The following TMEM51 variants were observed in gnomAD, a reference collection of about 807,000 sequenced individuals.
TMEM51 encodes the protein chromosome 1 open reading frame 72.
A neutral mutation model predicts 13.6 loss-of-function variants in TMEM51; 8 were observed. The ratio of observed to expected loss-of-function variants is 0.59; its 90% CI spans 0.35 to 1.07. The LOEUF (loss-of-function observed/expected upper bound fraction) is 1.07. Ranked by LOEUF, TMEM51 falls within the 50% of genes least tolerant of loss-of-function variation. The pLI, the probability that TMEM51 is intolerant of heterozygous loss-of-function variation, is 0.02. For missense variants in TMEM51, 279 were observed against 330.7 expected, an observed-to-expected ratio of 0.84 and a Z score of 1.21; for synonymous variants, 147 against 144.4, an observed-to-expected ratio of 1.02 and a Z score of -0.13.
chr1:15,171,118 T>TCCCC, intron 1 of TMEM51: 1 of 547,038 alleles, frequency 1.8e-6, no homozygotes, highest in Non-Finnish European at 2.9e-6. Flanking sequence ...CCCCGCCACA[T>TCCCC]CCCCCACCCC....
chr1:15,173,713 A>G (rs1473988714), intron 1 of TMEM51, among the ~76,000 whole-genome samples: 1 of 151,706 alleles, frequency 6.6e-6, no homozygotes. Flanking sequence ...CATCTGTCAA[A>G]GAAGAGCCTT....
intron 1 of TMEM51, among the ~76,000 whole-genome samples, chr1:15,208,969 T>C (rs1385611210): frequency 6.6e-6 from 1 of 152,150 alleles, no homozygotes; most frequent in Non-Finnish European, 1.5e-5. Flanking sequence ...TGAATTGTAA[T>C]GAATAGTATA....
chr1:15,189,184 C>T (rs946215822), intron 1 of TMEM51, among the ~76,000 whole-genome samples: 2 of 150,666 alleles, frequency 1.3e-5, no homozygotes, highest in Admixed American at 6.6e-5. Context: ...GGATTACACG[C>T]ACCCTTCACC....
intron 2 of TMEM51, among the ~76,000 whole-genome samples, chr1:15,213,678 G>A (rs1557858837): frequency 6.6e-6 from 1 of 152,184 alleles, no homozygotes; most frequent in Non-Finnish European, 1.5e-5. Flanking sequence ...GGGCTGCTTT[G>A]TGGAAAGAAG....
chr1:15,183,214 A>T (rs574177027), intron 1 of TMEM51, among the ~76,000 whole-genome samples: 1 of 152,372 alleles, frequency 6.6e-6, no homozygotes, highest in South Asian at 2.1e-4. Context: ...AAAAAAGCAC[A>T]CAAGGGATAA....
intron 1 of TMEM51, chr1:15,164,318 A>G (rs1642907686): frequency 4.4e-6 from 2 of 455,802 alleles, no homozygotes; most frequent in African/African-American, 4.0e-5. Flanking sequence ...CTGAACTGTG[A>G]CACTTTCTCA....
chr1:15,214,788 G>A (rs575677499), intron 2 of TMEM51, 107 bp from the exon 3 acceptor site: 1 of 356,176 alleles, frequency 2.8e-6, no homozygotes, highest in Non-Finnish European at 5.1e-6. Context: ...CAGAGCCGGC[G>A]TGCTCGGTGC....
intron 1 of TMEM51, among the ~76,000 whole-genome samples, chr1:15,200,431 AAG>A (rs1367273024): frequency 1.1e-4 from 14 of 125,254 alleles, no homozygotes; most frequent in African/African-American, 3.8e-4. Flanking sequence ...AAAAAAAAAA[AAG>A]AGAGAGATTA....
At chr1:15,169,307 T>C (rs957793580) in intron 1 of TMEM51, among the ~76,000 whole-genome samples, 7 of 152,322 alleles carry the variant, frequency 4.6e-5, no homozygotes, top group Middle Eastern at 3.4e-3. Flanking sequence ...AACTTGGGAT[T>C]CTGAGGAACA....
intron 1 of TMEM51, chr1:15,192,524 G>A: frequency 5.4e-6 from 1 of 185,056 alleles, no homozygotes; most frequent in Non-Finnish European, 1.1e-5. Context: ...ATGATCTCCT[G>A]GCTCACTGCA....
chr1:15,169,539 A>G (rs1410163529), intron 1 of TMEM51, among the ~76,000 whole-genome samples: 3 of 152,180 alleles, frequency 2.0e-5, no homozygotes, highest in African/African-American at 7.2e-5. Context: ...TCAACCCCCA[A>G]AAGCTGATCG....
chr1:15,163,612 G>A (rs1210625833), intron 1 of TMEM51, among the ~76,000 whole-genome samples: 10 of 135,670 alleles, frequency 7.4e-5, no homozygotes, highest in Admixed American at 7.2e-4. Flanking sequence ...TGAGTATAAG[G>A]AGTTAGTTTC....
At chr1:15,199,493 G>A (rs993132671) in intron 1 of TMEM51, among the ~76,000 whole-genome samples, 4 of 152,182 alleles carry the variant, frequency 2.6e-5, no homozygotes, top group African/African-American at 9.7e-5. Flanking sequence ...GGCTAGCCAC[G>A]GGTTGGGGGA....
intron 1 of TMEM51, among the ~76,000 whole-genome samples, chr1:15,158,241 G>A (rs1439858769): frequency 2.0e-5 from 3 of 152,180 alleles, no homozygotes; most frequent in Non-Finnish European, 2.9e-5. Context: ...ACCCTGTGAC[G>A]CTGTGCAAAG....
chr1:15,173,058 C>G (rs918150863), intron 1 of TMEM51, among the ~76,000 whole-genome samples: 1 of 152,076 alleles, frequency 6.6e-6, no homozygotes, highest in Non-Finnish European at 1.5e-5. Context: ...GTTGTGGGAA[C>G]CGAATGAGGC....
chr1:15,171,152 A>G (rs1238557250), intron 1 of TMEM51: 5 of 1,287,138 alleles, frequency 3.9e-6, no homozygotes, highest in South Asian at 1.3e-5. Context: ...AGTAGGTCTG[A>G]GTGGGGCCCC....
At chr1:15,206,140 G>A (rs1377619743) in intron 1 of TMEM51, among the ~76,000 whole-genome samples, 1 of 151,438 alleles carries the variant, frequency 6.6e-6, no homozygotes, top group Admixed American at 6.6e-5. Flanking sequence ...GGGGGCCGAG[G>A]TGGGAGGATT....
At chr1:15,189,248 G>T (rs376841622) in intron 1 of TMEM51, among the ~76,000 whole-genome samples, 90 of 110,818 alleles carry the variant, frequency 8.1e-4, no homozygotes, top group African/African-American at 2.8e-3. Context: ...TAGAGACAGG[G>T]TTTCACCATG....
intron 1 of TMEM51, among the ~76,000 whole-genome samples, chr1:15,187,715 T>C (rs1643824630): frequency 6.6e-6 from 1 of 152,212 alleles, no homozygotes; most frequent in South Asian, 2.1e-4. Context: ...TGGCGTCTTC[T>C]AGGGCAGTGG....
Sources: gnomAD v4.1 joint callset for allele counts (sites outside exome capture counted in the v4.1 genomes callset) on GRCh38, gnomAD v4.1.1 for gene constraint, MANE v1.5 for transcripts, NCBI Gene and HGNC (gene_info 2026-07-23, HGNC 2026-07-21) for gene names.